Variants in EGLN1 observed in about 807,000 individuals in gnomAD.
EGLN1 encodes egl-9 family hypoxia inducible factor 1.
A neutral mutation model predicts 38.3 loss-of-function variants in EGLN1; 17 were observed. That is an observed-to-expected ratio of 0.44 (90% CI 0.30 to 0.67). The LOEUF is 0.67. Among genes scored for constraint, EGLN1 ranks in the 30% least tolerant of loss-of-function variants. The pLI, the probability that EGLN1 is intolerant of heterozygous loss-of-function variation, is 0.08. For synonymous variants in EGLN1, 283 were observed against 257.5 expected, an observed-to-expected ratio of 1.10 and a Z score of -0.95; for missense variants, 477 against 603.3, an observed-to-expected ratio of 0.79 and a Z score of 2.19.
intron 1 of EGLN1, among the ~76,000 whole-genome samples, chr1:231,396,693 G>A (rs1372989253): frequency 6.6e-6 from 1 of 152,158 alleles, no homozygotes; most frequent in Admixed American, 6.5e-5. Context: ...TTTCCATCTG[G>A]ATGTCCACAA....
intron 1 of EGLN1, among the ~76,000 whole-genome samples, chr1:231,382,056 G>A (rs1167726868): frequency 1.3e-5 from 2 of 152,172 alleles, no homozygotes; most frequent in South Asian, 2.1e-4. Flanking sequence ...AATATAATTC[G>A]TTGGAAGAGT....
At chr1:231,370,988 C>T (rs1374299291) in intron 2 of EGLN1, among the ~76,000 whole-genome samples, 1 of 152,202 alleles carries the variant, frequency 6.6e-6, no homozygotes, top group Non-Finnish European at 1.5e-5. Flanking sequence ...CTCCTAGGTT[C>T]AAGCAATTCT....
intron 1 of EGLN1, among the ~76,000 whole-genome samples, chr1:231,388,946 C>G (rs188084052): frequency 2.0e-5 from 3 of 152,212 alleles, no homozygotes; most frequent in Admixed American, 6.5e-5. Flanking sequence ...TGAGCCACCG[C>G]GCCCAGCCTA....
chr1:231,372,320 TAC>T (rs1214158526), intron 2 of EGLN1, among the ~76,000 whole-genome samples: 1 of 152,212 alleles, frequency 6.6e-6, no homozygotes, highest in East Asian at 1.9e-4. Context: ...ACTGACACAC[TAC>T]ATATTCAGTG....
chr1:231,419,202 C>T (rs918513689), intron 1 of EGLN1, among the ~76,000 whole-genome samples: 3 of 152,136 alleles, frequency 2.0e-5, no homozygotes, highest in Non-Finnish European at 2.9e-5. Context: ...TGTACAGTTA[C>T]GTGACTTAAA....
intron 1 of EGLN1, among the ~76,000 whole-genome samples, chr1:231,375,736 C>G (rs149449083): frequency 4.6e-5 from 7 of 152,188 alleles, no homozygotes; most frequent in African/African-American, 1.7e-4. Flanking sequence ...AAATGATGAG[C>G]CCAAATGATT....
In EGLN1 at chr1:231,366,183, T is replaced by C. The variant is rs1293300780; in HGVS notation, c.*228A>G. ...AGATGTAAAAACCATTTTCAATTAG[T>C]AGCTTATCTTCCTCCTGTAAGCAAT... On this transcript the variant is annotated 3_prime_UTR_variant, in exon 5 of 5. Coordinates refer to ENST00000366641, the MANE Select transcript of EGLN1 (RefSeq NM_022051.3). 1.7e-6 allele frequency: 1 copy of C among 573,788 alleles called. No homozygotes were observed. Among genetic ancestry groups the C allele is most frequent in the Non-Finnish European group, 3.1e-6 (1 of 324,428 alleles). The allele number at this position is 573,788 out of a possible 1,614,324, so 35.5% of individuals were successfully genotyped here. A position where few individuals can be genotyped will look rare whatever the true frequency, so the allele number is the denominator to read the frequency against.
intron 1 of EGLN1, among the ~76,000 whole-genome samples, chr1:231,411,370 T>C (rs898094942): frequency 6.6e-6 from 1 of 152,226 alleles, no homozygotes; most frequent in Non-Finnish European, 1.5e-5. Flanking sequence ...TCAATTAAAC[T>C]GCTTTTCTTT....
chr1:231,391,053 C>CGT (rs578251793), intron 1 of EGLN1, among the ~76,000 whole-genome samples: 2,124 of 94,678 alleles, frequency 0.022, 252 homozygotes, highest in African/African-American at 0.063. Flanking sequence ...ACGACCGACG[C>CGT]GTGTGTGTGT....
At chr1:231,416,794 C>T (rs1689094838) in intron 1 of EGLN1, among the ~76,000 whole-genome samples, 1 of 152,198 alleles carries the variant, frequency 6.6e-6, no homozygotes, top group Non-Finnish European at 1.5e-5. Context: ...ATTAAGACTA[C>T]CCTCTCAGTC....
intron 1 of EGLN1, among the ~76,000 whole-genome samples, chr1:231,379,102 T>C (rs1688022402): frequency 6.6e-6 from 1 of 152,234 alleles, no homozygotes; most frequent in Non-Finnish European, 1.5e-5. Context: ...AGACTCTAAA[T>C]GGCAGAGGCA....
In EGLN1 at chr1:231,364,924, G is replaced by A. The variant is rs574739784; in HGVS notation, c.*1487C>T. The A allele has an allele frequency of 6.6e-6, 1 of 152,296 alleles. No individual in the cohort carries two copies. Among genetic ancestry groups the A allele is most frequent in the South Asian group, 2.1e-4 (1 of 4,828 alleles). The allele number at this position is 152,296 out of a possible 1,614,324, so 9.4% of individuals were successfully genotyped here. A position where few individuals can be genotyped will look rare whatever the true frequency, so the allele number is the denominator to read the frequency against. ...AATTCATTCTTTAAATAACATGTAT[G>A]TGAGGCCTTGTGTGATTTTCTAATA... is the stretch of plus-strand genomic sequence containing the variant. On this transcript the variant is annotated 3_prime_UTR_variant, in exon 5 of 5. Transcript: ENST00000366641.
intron 1 of EGLN1, among the ~76,000 whole-genome samples, chr1:231,395,901 A>G (rs916490088): frequency 1.1e-4 from 16 of 152,142 alleles, no homozygotes; most frequent in African/African-American, 3.9e-4. Flanking sequence ...AATGTAGACC[A>G]GAAGTGCTGG....
chr1:231,374,196 C>T lies in EGLN1; in HGVS notation c.892-97G>A, dbSNP rs981601040. 9 of 1,030,512 alleles carry T rather than the reference C, an allele frequency of 8.7e-6. No individual in the cohort carries two copies. In the African/African-American group the frequency reaches 9.7e-5, roughly 11 times the overall value. The allele number at this position is 1,030,512 out of a possible 1,614,324, so 63.8% of individuals were successfully genotyped here. ...TCTCTGATTTTTGGCTACTGATTTACACTTAGATTCTTCTAATAAAAATAA... is the reference window on the plus strand; with the variant it reads ...TCTCTGATTTTTGGCTACTGATTTATACTTAGATTCTTCTAATAAAAATAA... On this transcript the variant is annotated intron_variant, in intron 1 of 4. Transcript: ENST00000366641.
At chr1:231,391,086 TTTTTTTTGTGTGTG>T (rs1246392128) in intron 1 of EGLN1, among the ~76,000 whole-genome samples, 3 of 34,396 alleles carry the variant, frequency 8.7e-5, no homozygotes, top group African/African-American at 2.2e-4. Context: ...TCATTCTGTT[TTTTTTTTGTGTGTG>T]TGTGTGTGTG....
chr1:231,372,235 A>C (rs1000199918), intron 2 of EGLN1, among the ~76,000 whole-genome samples: 1 of 152,154 alleles, frequency 6.6e-6, no homozygotes, highest in Admixed American at 6.5e-5. Context: ...AATCTTTCTG[A>C]TCTGTATCCT....
Position 231,394,545 on chromosome 1 carries a change from AT to A in EGLN1, c.892-20447del, listed in dbSNP as rs59597792. Among the ~76,000 whole-genome samples, 558 of 141,388 alleles carry A rather than the reference AT, an allele frequency of 3.9e-3. 1 individual carries two copies. Among genetic ancestry groups the A allele is most frequent in the African/African-American group, 0.012 (461 of 37,836 alleles). The allele number at this position is 141,388 out of a possible 152,430, so 92.8% of individuals were successfully genotyped here. A position where few individuals can be genotyped will look rare whatever the true frequency, so the allele number is the denominator to read the frequency against. ...AGGCGCCCGCCACCACGCCCGACTA[AT>A]TTTTTTTTTTTTTTTTGTATTTTTA... On this transcript the variant is annotated intron_variant, in intron 1 of 4. Transcript: ENST00000366641.
At chr1:231,379,344 C>G (rs952422718) in intron 1 of EGLN1, among the ~76,000 whole-genome samples, 1 of 152,156 alleles carries the variant, frequency 6.6e-6, no homozygotes, top group Non-Finnish European at 1.5e-5. Context: ...TTCTTGGAAA[C>G]TTTATGTGAA....
At chr1:231,418,853 C>T (rs1351254084) in intron 1 of EGLN1, among the ~76,000 whole-genome samples, 2 of 147,190 alleles carry the variant, frequency 1.4e-5, no homozygotes, top group Admixed American at 6.7e-5. Context: ...CAAAGCAAGA[C>T]CCTGTCTCCA....
Sources: gnomAD v4.1 joint callset for allele counts (sites outside exome capture counted in the v4.1 genomes callset) on GRCh38, gnomAD v4.1.1 for gene constraint, MANE v1.5 for transcripts, NCBI Gene and HGNC (gene_info 2026-07-23, HGNC 2026-07-21) for gene names.